The following TPP2 variants were observed in gnomAD, a reference collection of about 807,000 sequenced individuals.
TPP2 encodes tripeptidyl-peptidase 2.
In TPP2, 34 loss-of-function variants were observed where a neutral mutation model predicts 155.9. That is an observed-to-expected ratio of 0.22 (90% CI 0.17 to 0.29). The LOEUF (loss-of-function observed/expected upper bound fraction) is 0.29. Among genes scored for constraint, TPP2 ranks in the 10% least tolerant of loss-of-function variants. The pLI, the probability that TPP2 is intolerant of heterozygous loss-of-function variation, is 1.00. For synonymous variants in TPP2, 510 were observed against 529.4 expected (o/e 0.96, Z 0.50); for missense variants, 1,028 against 1,522.3 (o/e 0.68, Z 5.40).
intron 29 of TPP2, among the ~76,000 whole-genome samples, chr13:102,676,639 T>C (rs1423753326): frequency 6.6e-6 from 1 of 152,210 alleles, no homozygotes; most frequent in African/African-American, 2.4e-5. Context: ...AAACTGATAC[T>C]AGCCTCAAAT....
intron 1 of TPP2, among the ~76,000 whole-genome samples, chr13:102,600,721 A>G (rs1879368092): frequency 6.6e-6 from 1 of 152,320 alleles, no homozygotes; most frequent in South Asian, 2.1e-4. Context: ...TAGAGGGAAA[A>G]AAAAGGTTTG....
chr13:102,644,650 T>A lies in TPP2; in HGVS notation c.2269T>A (p.Cys757Ser). ...TACCATTTCTTTCCATGGGATAGTGTGTACTGCTCCTCAGTTAAACATTGT... is the reference window on the plus strand; with the variant it reads ...TACCATTTCTTTCCATGGGATAGTGAGTACTGCTCCTCAGTTAAACATTGT... ...DYTISFHGIV[C>S]TAPQLNIHAS... The change falls in exon 18 of 30, where the codon TGT becomes AGT. Residue 757 changes from cysteine (C) to serine (S), a missense_variant. By Grantham distance (112) the Cys-to-Ser change is moderately radical. Coordinates refer to ENST00000376052, the MANE Select transcript of TPP2 (RefSeq NM_001330588.2). The A allele has an allele frequency of 6.2e-7, 1 of 1,606,630 alleles. No individual in the cohort carries two copies. Among genetic ancestry groups the A allele is most frequent in the Non-Finnish European group, 8.5e-7 (1 of 1,177,954 alleles).
At chr13:102,617,210 G>T (rs1293089658) in intron 4 of TPP2, among the ~76,000 whole-genome samples, 1 of 151,914 alleles carries the variant, frequency 6.6e-6, no homozygotes, top group Non-Finnish European at 1.5e-5. Flanking sequence ...CACCGTGCCC[G>T]GCCTATGTAT....
intron 19 of TPP2, among the ~76,000 whole-genome samples, 189 bp downstream of exon 19, chr13:102,645,198 G>C (rs1883023992): frequency 2.0e-5 from 3 of 152,108 alleles, no homozygotes; most frequent in East Asian, 1.9e-4. Flanking sequence ...CACCTGACCA[G>C]CAAAGTCAAG....
intron 5 of TPP2, among the ~76,000 whole-genome samples, chr13:102,619,599 A>C (rs1294204322): frequency 6.6e-6 from 1 of 152,202 alleles, no homozygotes; most frequent in Non-Finnish European, 1.5e-5. Flanking sequence ...GTTCACCTTC[A>C]CAGTGCACCC....
chr13:102,664,217 G>C (rs552680292), intron 26 of TPP2, among the ~76,000 whole-genome samples: 1 of 152,118 alleles, frequency 6.6e-6, no homozygotes, highest in East Asian at 1.9e-4. Context: ...AAATCATCAA[G>C]GGTTTAGAGT....
chr13:102,602,303 T>G (rs140531475), intron 1 of TPP2, among the ~76,000 whole-genome samples: 2 of 152,194 alleles, frequency 1.3e-5, no homozygotes, highest in Non-Finnish European at 2.9e-5. Flanking sequence ...TTGAGACATA[T>G]AGCCTATCTC....
rs552749107 is a variant in TPP2, at chr13:102,605,964, C to T, written c.294+1043C>T. ...GTCTCGAACTCTTGACCTTGTGATC[C>T]GCCTGTCTCAGCCTCCCAAAGTGCT... On this transcript the variant is annotated intron_variant, in intron 2 of 29. Transcript: ENST00000376052. Among the ~76,000 whole-genome samples the T allele has an allele frequency of 2.2e-4, 34 of 152,260 alleles. No homozygotes were observed. The South Asian group carries it at 2.7e-3, about 12-fold the overall frequency.
Position 102,648,842 on chromosome 13 carries a change from C to CT in TPP2, c.2629-62dup, listed in dbSNP as rs1292471793. 18 of 1,520,828 alleles carry CT rather than the reference C, an allele frequency of 1.2e-5. No individual in the cohort carries two copies. The African/African-American group carries it at 1.8e-4, about 15-fold the overall frequency. 94.2% of individuals were successfully genotyped at this position (1,520,828 alleles called of 1,614,324 possible). A position where few individuals can be genotyped will look rare whatever the true frequency, so the allele number is the denominator to read the frequency against. The stretch of plus-strand genomic sequence containing the variant: ...TGAATGGTAACTTTCACTTTATCCT[C>CT]TTTCAGTGATTTCCGTTGACTTGGT... On this transcript the variant is annotated intron_variant, in intron 21 of 29. Transcript: ENST00000376052.
chr13:102,650,570 G>GT lies in TPP2; in HGVS notation c.2953-781dup, dbSNP rs375158571. Among the ~76,000 whole-genome samples the GT allele has an allele frequency of 1.1e-4, 17 of 151,912 alleles. No homozygotes were observed. The East Asian group carries it at 1.5e-3, about 14-fold the overall frequency. On this transcript the variant is annotated intron_variant, in intron 23 of 29. Transcript: ENST00000376052. ...TGCACTGATTTAAGAAACCCTGGTA[G>GT]TTTTTTTTGTAGATTTCATTTCACA...
chr13:102,672,013 T>G (rs1403046522), intron 27 of TPP2, among the ~76,000 whole-genome samples: 1 of 152,182 alleles, frequency 6.6e-6, no homozygotes, highest in Non-Finnish European at 1.5e-5. Context: ...CACCAGTGAC[T>G]TACTGACTGC....
intron 4 of TPP2, among the ~76,000 whole-genome samples, chr13:102,617,669 G>T (rs1880847979): frequency 6.6e-6 from 1 of 152,148 alleles, no homozygotes; most frequent in Admixed American, 6.5e-5. Context: ...TTCCCTCTAG[G>T]TTAATACTCA....
intron 8 of TPP2, 52 bp from the exon 9 acceptor site, chr13:102,629,430 A>C: frequency 6.9e-7 from 1 of 1,442,000 alleles, no homozygotes; most frequent in Non-Finnish European, 9.1e-7. Context: ...TACTATATAC[A>C]CTTTGGGAAT....
intron 2 of TPP2, among the ~76,000 whole-genome samples, 169 bp from the exon 3 acceptor site, chr13:102,613,932 A>G (rs1309540559): frequency 6.6e-6 from 1 of 152,222 alleles, no homozygotes; most frequent in Non-Finnish European, 1.5e-5. Flanking sequence ...AAGAAGTGAT[A>G]AAGACATTAA....
chr13:102,640,403 C>A, intron 16 of TPP2, 27 bp downstream of exon 16: 1 of 1,548,196 alleles, frequency 6.5e-7, no homozygotes, highest in Non-Finnish European at 8.9e-7. Flanking sequence ...TCTGTGTGAC[C>A]GCTTATCTCT....
At chr13:102,637,929 A>G (rs1243187369) in intron 14 of TPP2, among the ~76,000 whole-genome samples, 1 of 152,248 alleles carries the variant, frequency 6.6e-6, no homozygotes, top group Non-Finnish European at 1.5e-5. Flanking sequence ...ATAGTATCAC[A>G]ACAGTATCTC....
chr13:102,678,481 A>G lies in TPP2; in HGVS notation c.*165A>G. 1 of 428,444 alleles carries G rather than the reference A, an allele frequency of 2.3e-6. No individual in the cohort carries two copies. Among genetic ancestry groups the G allele is most frequent in the East Asian group, 8.1e-5 (1 of 12,408 alleles). 26.5% of individuals were successfully genotyped at this position (428,444 alleles called of 1,614,324 possible). ...AGAGAATTCACTGACGTGTGGCTTAATACATGTAAATCTAGACCTCTGACA... is the reference window on the plus strand; with the variant it reads ...AGAGAATTCACTGACGTGTGGCTTAGTACATGTAAATCTAGACCTCTGACA... On this transcript the variant is annotated 3_prime_UTR_variant, in exon 30 of 30. Coordinates refer to ENST00000376052, the MANE Select transcript of TPP2 (RefSeq NM_001330588.2).
chr13:102,661,985 G>A (rs1423656870), intron 25 of TPP2, among the ~76,000 whole-genome samples: 4 of 152,164 alleles, frequency 2.6e-5, no homozygotes, highest in African/African-American at 9.7e-5. Context: ...ACAGTTTATA[G>A]CAGCATTATT....
chr13:102,621,980 A>G (rs551482448), intron 5 of TPP2, among the ~76,000 whole-genome samples: 4 of 152,316 alleles, frequency 2.6e-5, no homozygotes, highest in Non-Finnish European at 4.4e-5. Flanking sequence ...TTAGTTTCCT[A>G]TACCTTCGTA....
Sources: allele counts gnomAD v4.1 joint callset (sites outside exome capture counted in the v4.1 genomes callset), GRCh38; gene constraint gnomAD v4.1.1; transcripts MANE v1.5; gene names NCBI Gene and HGNC (gene_info 2026-07-23, HGNC 2026-07-21).